The following TEAD3 variants were observed in gnomAD, a reference collection of about 807,000 sequenced individuals.
TEAD3 encodes the protein transcriptional enhancer factor TEF-5.
TEAD3 carries 15 observed loss-of-function variants against 55.6 expected under a neutral mutation model. The observed-to-expected ratio is 0.27, with a 90% CI of 0.18 to 0.42. The LOEUF is 0.42. Among genes scored for constraint, TEAD3 ranks in the 10% least tolerant of loss-of-function variants. TEAD3 has a pLI of 1.00. For synonymous variants in TEAD3, 210 were observed against 232.2 expected, an observed-to-expected ratio of 0.90 and a Z score of 0.87; for missense variants, 407 against 576.8, an observed-to-expected ratio of 0.71 and a Z score of 3.01.
chr6:35,474,814 C>T (rs188431156), downstream of TEAD3: 507 of 514,008 alleles, frequency 9.9e-4, 1 homozygote, highest in African/African-American at 5.5e-3. Context: ...GTCAGCGCCC[C>T]GGACAGGCTG....
Position 35,477,295 on chromosome 6 carries a change from C to G in TEAD3, c.592+16G>C, listed in dbSNP as rs776169270. ...GTGCAGGTGCCAAGGGAGAGCACCT[C>G]GTGTGGGGAACTTACTGCTGAGCGT... On this transcript the variant is annotated intron_variant, in intron 8 of 12. Coordinates refer to ENST00000639578, the Ensembl canonical transcript of TEAD3. The G allele has an allele frequency of 6.2e-7, 1 of 1,609,562 alleles. No individual in the cohort carries two copies. Among genetic ancestry groups the G allele is most frequent in the Admixed American group, 1.7e-5 (1 of 59,988 alleles).
intron 7 of TEAD3, 87 bp downstream of exon 7, chr6:35,478,188 C>G (rs1400786242): frequency 6.5e-6 from 10 of 1,528,632 alleles, no homozygotes; most frequent in Non-Finnish European, 9.0e-6. Context: ...AAACTTTGCT[C>G]AGCTGTTGCT....
At chr6:35,490,598 G>C (rs1768493723) in intron 1 of TEAD3, among the ~76,000 whole-genome samples, 1 of 152,224 alleles carries the variant, frequency 6.6e-6, no homozygotes, top group South Asian at 2.1e-4. Flanking sequence ...ACACACATGG[G>C]CAGTCGTGGG....
At chr6:35,480,960 C>A (rs1312436755) in intron 3 of TEAD3, among the ~76,000 whole-genome samples, 1 of 152,254 alleles carries the variant, frequency 6.6e-6, no homozygotes, top group East Asian at 1.9e-4. Flanking sequence ...AGGCCACATC[C>A]TCTACCAGGG....
In TEAD3 at chr6:35,496,687, G is replaced by C. The variant is rs1173229322; in HGVS notation, c.-50+211C>G. Among the ~76,000 whole-genome samples the C allele has an allele frequency of 6.6e-6, 1 of 152,182 alleles. No individual in the cohort carries two copies. The highest frequency in any genetic ancestry group is 1.5e-5 in the Non-Finnish European group (1 of 68,020). On this transcript the variant is annotated intron_variant, in intron 1 of 12. Coordinates refer to ENST00000639578, the Ensembl canonical transcript of TEAD3. This position sits in a 1 kb window ranked among gnomAD's most constrained non-coding sequence, Gnocchi z 4.8. The stretch of plus-strand genomic sequence containing the variant: ...CCGGACCAACTCGTCCCCGTCGCGG[G>C]GGGGTGGGGAGGGCGGGGGGCGGGG...
chr6:35,490,030 G>A (rs1479697850), intron 1 of TEAD3, among the ~76,000 whole-genome samples: 3 of 152,182 alleles, frequency 2.0e-5, no homozygotes, highest in African/African-American at 7.2e-5. Flanking sequence ...AGAGCTGTTA[G>A]AGGGGAGGGA....
Position 35,475,948 on chromosome 6 carries a change from G to C in TEAD3, c.871C>G (p.Pro291Ala). 6.5e-7 allele frequency: 1 copy of C among 1,545,548 alleles called. No individual in the cohort carries two copies. The highest frequency in any genetic ancestry group is 1.3e-5 in the South Asian group (1 of 79,586). Residue 291 changes from proline (P) to alanine (A), a missense_variant, in exon 10 of 13, where the codon CCT becomes GCT. Transcript: ENST00000639578. The surrounding 1 kb of genome is among the most constrained non-coding windows in gnomAD (Gnocchi z 5.4). Reference sequence around the variant, plus strand: ...AACTTGACAAGGAAGAAGGCATTAGGGGGCCCCTTCTCATAGAGCTCCTTC... The same window carrying C: ...AACTTGACAAGGAAGAAGGCATTAGCGGGCCCCTTCTCATAGAGCTCCTTC...
downstream of TEAD3, chr6:35,473,747 T>C (rs1188703617): frequency 1.4e-5 from 2 of 141,298 alleles, no homozygotes; most frequent in African/African-American, 2.7e-5. Context: ...CACAAAAAAA[T>C]ATATAATATA....
intron 1 of TEAD3, among the ~76,000 whole-genome samples, chr6:35,489,850 A>G (rs1251298125): frequency 6.6e-6 from 1 of 152,224 alleles, no homozygotes; most frequent in Non-Finnish European, 1.5e-5. Context: ...CCTGGACAAC[A>G]TAGTGAAAAC....
Position 35,475,155 on chromosome 6 carries a change from C to T in TEAD3, c.1197G>A (p.Val399=). ...TCTCCTGGGAGTCCCGGCTCGTGACCACCTGGGGGGTGAGCAGGTAAGAGA... is the reference window on the plus strand; with the variant it reads ...TCTCCTGGGAGTCCCGGCTCGTGACTACCTGGGGGGTGAGCAGGTAAGAGA... The change falls in exon 13 of 13, where the codon GTG becomes GTA. Residue 399 remains valine, a splice_region_variant and synonymous_variant. Transcript: ENST00000639578. The surrounding 1 kb of genome is among the most constrained non-coding windows in gnomAD (Gnocchi z 5.4). 1 of 1,578,050 alleles carries T rather than the reference C, an allele frequency of 6.3e-7. No homozygotes were observed. Among genetic ancestry groups the T allele is most frequent in the Admixed American group, 1.9e-5 (1 of 53,764 alleles).
chr6:35,482,772 C>T (rs1019712492), intron 3 of TEAD3, among the ~76,000 whole-genome samples: 1 of 152,092 alleles, frequency 6.6e-6, no homozygotes, highest in Non-Finnish European at 1.5e-5. Flanking sequence ...CTTAAAAAAA[C>T]CAACAAAAAA....
Position 35,491,264 on chromosome 6 carries a change from G to A in TEAD3, c.-49-4553C>T, listed in dbSNP as rs993171593. Among the ~76,000 whole-genome samples, 6 of 151,532 alleles carry A rather than the reference G, an allele frequency of 4.0e-5. No individual in the cohort carries two copies. The highest frequency in any genetic ancestry group is 8.8e-5 in the Non-Finnish European group (6 of 67,888). On this transcript the variant is annotated intron_variant, in intron 1 of 12. Coordinates refer to ENST00000639578, the Ensembl canonical transcript of TEAD3. This position sits in a 1 kb window ranked among gnomAD's most constrained non-coding sequence, Gnocchi z 4.4. Reference sequence around the variant, plus strand: ...CACAGACTGACAGACAGAGCCGGTGGGGGGTGAAGGGAGAAGGGGAGAAGG... The same window carrying A: ...CACAGACTGACAGACAGAGCCGGTGAGGGGTGAAGGGAGAAGGGGAGAAGG...
In TEAD3 at chr6:35,486,731, G is replaced by T. The variant is rs535873342; in HGVS notation, c.-49-20C>A. 93 of 1,537,040 alleles carry T rather than the reference G, an allele frequency of 6.1e-5. No homozygotes were observed. Among genetic ancestry groups the T allele is most frequent in the Admixed American group, 4.8e-4 (28 of 58,070 alleles). ...CTGAGCCTGGGGGACAGACAGACAG[G>T]AACTGGGACCAGGGTCCTCCTCGAC... On this transcript the variant is annotated intron_variant, in intron 1 of 12. Transcript: ENST00000639578. The surrounding 1 kb of genome is among the most constrained non-coding windows in gnomAD (Gnocchi z 7.3).
intron 1 of TEAD3, among the ~76,000 whole-genome samples, chr6:35,490,615 G>A (rs1033796547): frequency 1.3e-5 from 2 of 152,232 alleles, no homozygotes. Flanking sequence ...TGGGCAGGCA[G>A]CTGCCCCCGT....
rs1421593922 is a variant in TEAD3 at position 35,486,474 on chromosome 6, C to G, written c.189G>C (p.Glu63Asp). 1.9e-6 allele frequency: 3 copies of G among 1,612,944 alleles called. No individual in the cohort carries two copies. The highest frequency in any genetic ancestry group is 2.5e-6 in the Non-Finnish European group (3 of 1,179,512). Residue 63 changes from glutamate (E) to aspartate (D), a missense_variant, in exon 2 of 13, where the codon GAG (glutamate) becomes GAC (aspartate). Physicochemically the swap from Glu to Asp is conservative, Grantham distance 45. Transcript: ENST00000639578. The surrounding 1 kb of genome is among the most constrained non-coding windows in gnomAD (Gnocchi z 7.3). ...CCCGGCACGCACCGTACATCTTGCC[C>G]TCGTCTGACAGGATGATCTTCCGCC...
chr6:35,475,429 C>T lies in TEAD3; in HGVS notation c.1101G>A (p.Met367Ile), dbSNP rs758616289. Reference sequence around the variant, plus strand: ...GGATGAAGTTGATCATGTACTCGCACATGGGCGAGCGGTGGATACGGTACA... The same window carrying T: ...GGATGAAGTTGATCATGTACTCGCATATGGGCGAGCGGTGGATACGGTACA... Residue 367 changes from methionine (M) to isoleucine (I), a missense_variant, in exon 12 of 13, where the codon ATG (methionine) becomes ATA (isoleucine). Physicochemically the swap from Met to Ile is conservative, Grantham distance 10. Transcript: ENST00000639578. This position sits in a 1 kb window ranked among gnomAD's most constrained non-coding sequence, Gnocchi z 5.4. 3.6e-5 allele frequency: 58 copies of T among 1,613,934 alleles called. No homozygotes were observed. Among genetic ancestry groups the T allele is most frequent in the Non-Finnish European group, 4.7e-5 (56 of 1,179,978 alleles).
In TEAD3 at chr6:35,486,595, A is replaced by T; in HGVS notation, c.68T>A (p.Leu23Gln). 7 of 1,613,446 alleles carry T rather than the reference A, an allele frequency of 4.3e-6. No individual in the cohort carries two copies. The highest frequency in any genetic ancestry group is 5.9e-6 in the Non-Finnish European group (7 of 1,179,786). The change falls in exon 2 of 13, where the codon CTG (leucine) becomes CAG (glutamine). Residue 23 changes from leucine to glutamine, a missense_variant. Coordinates refer to ENST00000639578, the Ensembl canonical transcript of TEAD3. The surrounding 1 kb of genome is among the most constrained non-coding windows in gnomAD (Gnocchi z 7.3). ...CGCATCGTTGTCCAGCCCCTTGTCC[A>T]GGCCCTCGGGCCCATCCTCCCGGGC... is the stretch of plus-strand genomic sequence containing the variant.
chr6:35,478,724 G>A (rs925395492), intron 5 of TEAD3, 153 bp from the exon 6 acceptor site: 10 of 1,070,308 alleles, frequency 9.3e-6, no homozygotes, highest in Non-Finnish European at 1.3e-5. Flanking sequence ...GCTCTGCTGT[G>A]TGATCTTGGG....
rs1768128439 is a variant in TEAD3, at chr6:35,475,647, C to T, written c.960G>A (p.Gln320=). 2 of 1,613,600 alleles carry T rather than the reference C, an allele frequency of 1.2e-6. No individual in the cohort carries two copies. Reference sequence around the variant, plus strand: ...TGGTCATGCTATCAGCAGAGCTGTACTGAGAGCTGACCCCATAGAAGGCTC... The same window carrying T: ...TGGTCATGCTATCAGCAGAGCTGTATTGAGAGCTGACCCCATAGAAGGCTC... Residue 320 remains glutamine, a synonymous_variant, in exon 11 of 13, where the codon CAG becomes CAA. Transcript: ENST00000639578. The surrounding 1 kb of genome is among the most constrained non-coding windows in gnomAD (Gnocchi z 5.4).
Sources: allele counts gnomAD v4.1 joint callset (sites outside exome capture counted in the v4.1 genomes callset), GRCh38; gene constraint gnomAD v4.1.1; non-coding constraint Gnocchi (gnomAD v3.1); transcripts MANE v1.5; gene names NCBI Gene and HGNC (gene_info 2026-07-23, HGNC 2026-07-21).